The following NAPEPLD variants were observed in gnomAD, a reference collection of about 807,000 sequenced individuals.
The protein encoded by NAPEPLD is N-acyl phosphatidylethanolamine phospholipase D.
In NAPEPLD, 23 loss-of-function variants were observed where a neutral mutation model predicts 38.1. That is an observed-to-expected ratio of 0.60 (90% confidence interval 0.43 to 0.86). The LOEUF (loss-of-function observed/expected upper bound fraction) is 0.86, where lower values mean the gene tolerates loss of function less well. NAPEPLD is among the 40% of genes least tolerant of loss of function. The pLI is 0.00. For missense variants in NAPEPLD, 411 were observed against 476.8 expected, an observed-to-expected ratio of 0.86 and a Z score of 1.28; for synonymous variants, 147 against 162.0, an observed-to-expected ratio of 0.91 and a Z score of 0.71.
At chr7:103,117,891 A>T (rs960364277) in intron 3 of NAPEPLD, among the ~76,000 whole-genome samples, 6 of 152,236 alleles carry the variant, frequency 3.9e-5, no homozygotes, top group Non-Finnish European at 7.3e-5. Flanking sequence ...TCTATTAAGA[A>T]CATACATCAG....
chr7:103,105,903 A>G (rs1360389608), intron 4 of NAPEPLD, among the ~76,000 whole-genome samples: 2 of 141,194 alleles, frequency 1.4e-5, no homozygotes, highest in East Asian at 4.5e-4. Context: ...ACTGCACTCC[A>G]GCCTGAGCAA....
chr7:103,142,088 T>C (rs1212897694), intron 1 of NAPEPLD: 4 of 576,610 alleles, frequency 6.9e-6, no homozygotes, highest in Non-Finnish European at 9.2e-6. Context: ...CAGGCAGGGT[T>C]GAGAACCACT....
chr7:103,114,665 C>T (rs1805221206), intron 4 of NAPEPLD, among the ~76,000 whole-genome samples: 1 of 152,186 alleles, frequency 6.6e-6, no homozygotes, highest in Non-Finnish European at 1.5e-5. Context: ...ATCTGTTCCA[C>T]ATTACAGCAC....
At chr7:103,130,193 A>G (rs1289659142) in intron 1 of NAPEPLD, among the ~76,000 whole-genome samples, 1 of 152,246 alleles carries the variant, frequency 6.6e-6, no homozygotes, top group Non-Finnish European at 1.5e-5. Flanking sequence ...AAATAGAAAT[A>G]CTGCCCCAGA....
At chr7:103,114,046 G>A (rs927939271) in intron 4 of NAPEPLD, among the ~76,000 whole-genome samples, 2 of 150,928 alleles carry the variant, frequency 1.3e-5, no homozygotes, top group Non-Finnish European at 2.9e-5. Flanking sequence ...TTACAGGCAC[G>A]CACCACCACG....
In NAPEPLD at chr7:103,100,619, A is replaced by T. The variant is rs1563338252; in HGVS notation, c.*2810T>A. ...AGTTATCACAGGAAACTTCAATAAA[A>T]TCTTACATATTGCTATGGGTATTCA... is the stretch of plus-strand genomic sequence containing the variant. On this transcript the variant is annotated 3_prime_UTR_variant, in exon 5 of 5. Coordinates refer to ENST00000465647, the MANE Select transcript of NAPEPLD (RefSeq NM_001122838.3). 1 of 152,222 alleles carries T rather than the reference A, an allele frequency of 6.6e-6. No homozygotes were observed. Among genetic ancestry groups the T allele is most frequent in the Non-Finnish European group, 1.5e-5 (1 of 68,048 alleles). The allele number at this position is 152,222 out of a possible 1,614,324, so 9.4% of individuals were successfully genotyped here.
At chr7:103,141,196 A>C (rs570326320) in intron 1 of NAPEPLD, among the ~76,000 whole-genome samples, 1 of 147,664 alleles carries the variant, frequency 6.8e-6, no homozygotes, top group African/African-American at 2.5e-5. Context: ...ACATGGGTAC[A>C]AGCCCTGAAA....
intron 1 of NAPEPLD, among the ~76,000 whole-genome samples, chr7:103,132,451 G>A (rs1217717904): frequency 6.6e-6 from 1 of 152,050 alleles, no homozygotes; most frequent in Non-Finnish European, 1.5e-5. Context: ...CAGGAGGAGA[G>A]TGGGAAGAGT....
intron 1 of NAPEPLD, among the ~76,000 whole-genome samples, chr7:103,144,105 T>C (rs1393600534): frequency 1.3e-5 from 2 of 152,214 alleles, no homozygotes; most frequent in Non-Finnish European, 2.9e-5. Context: ...AATAAAGTTG[T>C]TAACAGTTGG....
At chr7:103,149,960 G>C (rs534141555), upstream of NAPEPLD, among the ~76,000 whole-genome samples, 142 of 152,228 alleles carry the variant, frequency 9.3e-4, no homozygotes, top group African/African-American at 3.2e-3. Context: ...ATGGGAGCAC[G>C]GCATTGTTCA....
At chr7:103,128,850 A>C in intron 1 of NAPEPLD, 58 bp from the exon 2 acceptor site, 2 of 1,492,574 alleles carry the variant, frequency 1.3e-6, no homozygotes, top group East Asian at 4.5e-5. Context: ...CAAACATAAC[A>C]CAAGGTACTA....
chr7:103,128,391 A>G (rs747222714), intron 2 of NAPEPLD, 92 bp downstream of exon 2: 4 of 1,442,472 alleles, frequency 2.8e-6, no homozygotes, highest in Non-Finnish European at 3.8e-6. Flanking sequence ...CCTCAGACCT[A>G]ATTCTATGCC....
intron 1 of NAPEPLD, among the ~76,000 whole-genome samples, chr7:103,142,981 T>C (rs2129536826): frequency 6.6e-6 from 1 of 151,946 alleles, no homozygotes; most frequent in Non-Finnish European, 1.5e-5. Context: ...CCCAACACGT[T>C]GGGAGGCCAA....
In NAPEPLD at chr7:103,103,505, C is replaced by T. The variant is rs767899759; in HGVS notation, c.1106G>A (p.Gly369Glu). 8 of 1,599,912 alleles carry T rather than the reference C, an allele frequency of 5.0e-6. No homozygotes were observed. The African/African-American group carries it at 1.1e-4, about 22-fold the overall frequency. Residue 369 changes from glycine (G) to glutamate (E), a missense_variant, in exon 5 of 5, where the codon GGA (glycine) becomes GAA (glutamate). Gly to Glu is a moderately conservative substitution (Grantham distance 98). Coordinates refer to ENST00000465647, the MANE Select transcript of NAPEPLD (RefSeq NM_001122838.3). ...VKLNEALERY[G>E]LNAEDFFVLK... ...GACAAAAAAATCTTCAGCGTTAAGTCCGTATCTCTCTAGAGCTTCATTCAG... is the reference window on the plus strand; with the variant it reads ...GACAAAAAAATCTTCAGCGTTAAGTTCGTATCTCTCTAGAGCTTCATTCAG...
rs558866505 is a variant in NAPEPLD, at chr7:103,103,598, T to C, written c.1057-44A>G. On this transcript the variant is annotated intron_variant, in intron 4 of 4. Coordinates refer to ENST00000465647, the MANE Select transcript of NAPEPLD (RefSeq NM_001122838.3). ...GAAAAATAGAAAAAGATTAAACATA[T>C]ATTTGGGAGATTTTCCAAATAACAG... The C allele has an allele frequency of 1.7e-5, 26 of 1,549,416 alleles. No homozygotes were observed. In the East Asian group the frequency reaches 5.2e-4, roughly 31 times the overall value.
chr7:103,117,300 T>C (rs1265334744), intron 3 of NAPEPLD, among the ~76,000 whole-genome samples: 2 of 152,234 alleles, frequency 1.3e-5, no homozygotes, highest in African/African-American at 4.8e-5. Context: ...AGAGCAGCAC[T>C]GTTCTGCCAT....
chr7:103,135,899 T>C (rs1204437576), intron 1 of NAPEPLD, among the ~76,000 whole-genome samples: 1 of 152,190 alleles, frequency 6.6e-6, no homozygotes, highest in Non-Finnish European at 1.5e-5. Context: ...CTTATTCATC[T>C]GTTCAATAAA....
At chr7:103,134,599 G>A (rs529465915) in intron 1 of NAPEPLD, among the ~76,000 whole-genome samples, 4 of 152,044 alleles carry the variant, frequency 2.6e-5, no homozygotes, top group Non-Finnish European at 5.9e-5. Flanking sequence ...GCAGTGAGCC[G>A]AGATTCCAGC....
At chr7:103,133,487 C>T (rs146919363) in intron 1 of NAPEPLD, among the ~76,000 whole-genome samples, 1 of 152,292 alleles carries the variant, frequency 6.6e-6, no homozygotes, top group East Asian at 1.9e-4. Flanking sequence ...ACACGCTCTG[C>T]CAACAGGTGC....
Sources: allele counts gnomAD v4.1 joint callset (sites outside exome capture counted in the v4.1 genomes callset), GRCh38; gene constraint gnomAD v4.1.1; transcripts MANE v1.5; gene names NCBI Gene and HGNC (gene_info 2026-07-23, HGNC 2026-07-21).